The following SPCS2 variants were observed in gnomAD, a reference collection of about 807,000 sequenced individuals.
SPCS2 encodes the protein SPase 25 kDa subunit.
SPCS2 carries 3 observed loss-of-function variants against 22.3 expected under a neutral mutation model. The observed-to-expected ratio is 0.13, with a 90% CI of 0.06 to 0.35. SPCS2 has a LOEUF of 0.35. Among genes scored for constraint, SPCS2 ranks in the 10% least tolerant of loss-of-function variants. The probability of loss-of-function intolerance (pLI) is 1.00; values close to 1 mark genes in which losing one functional copy is unlikely to be tolerated. For missense variants in SPCS2, 169 were observed against 280.9 expected (o/e 0.60, Z 2.85); for synonymous variants, 67 against 97.2 (o/e 0.69, Z 1.83).
chr11:74,965,883 T>C lies in SPCS2; in HGVS notation c.319T>C (p.Phe107Leu). Residue 107 changes from phenylalanine to leucine, a missense_variant, in exon 3 of 5, where the codon TTT becomes CTT. Transcript: ENST00000263672. Reference protein sequence around the residue: ...VALIWDYMHPFPESKPVLALC... With the variant: ...VALIWDYMHPLPESKPVLALC... ...TTTGATTTGGGATTATATGCACCCC[T>C]TTCCAGAGTCCAAACCCGTTTTGGC... 2 of 1,613,280 alleles carry C rather than the reference T, an allele frequency of 1.2e-6. No individual in the cohort carries two copies. Among genetic ancestry groups the C allele is most frequent in the Non-Finnish European group, 1.7e-6 (2 of 1,179,638 alleles).
intron 2 of SPCS2, among the ~76,000 whole-genome samples, chr11:74,965,425 A>G (rs895933882): frequency 3.3e-5 from 5 of 152,178 alleles, no homozygotes; most frequent in Non-Finnish European, 7.3e-5. Context: ...GAAAGCTGGT[A>G]ATTTTTTGTT....
At chr11:74,969,502 G>A (rs887049286) in intron 3 of SPCS2, 63 bp from the exon 4 acceptor site, 89 of 1,501,134 alleles carry the variant, frequency 5.9e-5, no homozygotes, top group Non-Finnish European at 7.7e-5. Context: ...TATATCTGTT[G>A]CTTGTCAATT....
intron 1 of SPCS2, among the ~76,000 whole-genome samples, chr11:74,959,481 C>T (rs532817395): frequency 3.9e-5 from 6 of 152,310 alleles, no homozygotes; most frequent in African/African-American, 1.2e-4. Flanking sequence ...CAGCCTATAC[C>T]TCCTGAGCTC....
intron 4 of SPCS2, among the ~76,000 whole-genome samples, chr11:74,971,801 T>C (rs111991380): frequency 3.1e-4 from 47 of 152,344 alleles, no homozygotes; most frequent in African/African-American, 1.1e-3. Context: ...CTTCAGCATA[T>C]GAAGTATTAC....
intron 1 of SPCS2, chr11:74,949,670 T>C (rs1948326576): frequency 2.0e-6 from 1 of 503,120 alleles, no homozygotes; most frequent in Non-Finnish European, 3.9e-6. Flanking sequence ...TTTTCCTATA[T>C]TTAATCGTGT....
chr11:74,963,563 G>T (rs536800479), intron 1 of SPCS2: 2 of 424,754 alleles, frequency 4.7e-6, no homozygotes, highest in Non-Finnish European at 4.6e-6. Context: ...TTGTTTGTTT[G>T]TTTGTTTATT....
chr11:74,964,553 T>C (rs911578955), intron 1 of SPCS2, among the ~76,000 whole-genome samples: 4 of 152,250 alleles, frequency 2.6e-5, no homozygotes, highest in African/African-American at 9.6e-5. Flanking sequence ...CCCATTTTGT[T>C]AGTATCTGTA....
At chr11:74,976,164 G>A (rs1452415689) in intron 4 of SPCS2, among the ~76,000 whole-genome samples, 3 of 152,190 alleles carry the variant, frequency 2.0e-5, no homozygotes, top group Non-Finnish European at 2.9e-5. Context: ...ATAAAAATTT[G>A]ATTGCCTACT....
chr11:74,967,674 A>G (rs766728016), intron 3 of SPCS2, among the ~76,000 whole-genome samples: 249 of 152,312 alleles, frequency 1.6e-3, no homozygotes, highest in Non-Finnish European at 3.1e-3. Context: ...ACTTGAATCC[A>G]GGGGGCGGAA....
intron 3 of SPCS2, among the ~76,000 whole-genome samples, chr11:74,967,933 CA>C (rs952042564): frequency 4.9e-4 from 71 of 145,370 alleles, no homozygotes; most frequent in African/African-American, 1.3e-3. Flanking sequence ...GACCCTGTCT[CA>C]AAAAAAAAAG....
chr11:74,960,509 T>TC (rs386374178), intron 1 of SPCS2, among the ~76,000 whole-genome samples: 1 of 151,528 alleles, frequency 6.6e-6, no homozygotes, highest in Non-Finnish European at 1.5e-5. Flanking sequence ...CATCTTTTTT[T>TC]TTTTTTTAGG....
intron 1 of SPCS2, among the ~76,000 whole-genome samples, chr11:74,956,197 A>G (rs548379942): frequency 6.6e-6 from 1 of 151,522 alleles, no homozygotes; most frequent in African/African-American, 2.4e-5. Flanking sequence ...TCCTCTGTCT[A>G]CCCTCATCCC....
chr11:74,959,757 A>C (rs1386199642), intron 1 of SPCS2, among the ~76,000 whole-genome samples: 2 of 152,122 alleles, frequency 1.3e-5, no homozygotes, highest in Non-Finnish European at 2.9e-5. Context: ...GGTGAGATGC[A>C]TGGGAACAGA....
At chr11:74,967,708 A>T (rs1418142426) in intron 3 of SPCS2, among the ~76,000 whole-genome samples, 1 of 152,234 alleles carries the variant, frequency 6.6e-6, no homozygotes, top group Non-Finnish European at 1.5e-5. Flanking sequence ...GAGATCTGCT[A>T]CTGCACTCCA....
At chr11:74,974,302 C>T (rs1948603603) in intron 4 of SPCS2, among the ~76,000 whole-genome samples, 1 of 152,170 alleles carries the variant, frequency 6.6e-6, no homozygotes, top group Non-Finnish European at 1.5e-5. Context: ...TCCTTGACCT[C>T]TTCTCTGAAC....
intron 1 of SPCS2, among the ~76,000 whole-genome samples, chr11:74,962,750 T>G (rs1948521543): frequency 6.6e-6 from 1 of 152,222 alleles, no homozygotes. Flanking sequence ...CGAAATGGGC[T>G]GTGTTGCCGT....
At chr11:74,959,707 T>G (rs1325000389) in intron 1 of SPCS2, among the ~76,000 whole-genome samples, 4 of 152,116 alleles carry the variant, frequency 2.6e-5, no homozygotes, top group African/African-American at 7.2e-5. Context: ...CCTGGCTTAT[T>G]TTGTCTCTTT....
chr11:74,969,649 T>TC lies in SPCS2; in HGVS notation c.444_445insC (p.Thr149HisfsTer6). ...TTCTCGTGGCCCACAGGAAAGATCC[T>TC]ACAGGAATGGATCCTGATGATATTT... is the stretch of plus-strand genomic sequence containing the variant. On this transcript the variant is annotated frameshift_variant, in exon 4 of 5. Coordinates refer to ENST00000263672, the MANE Select transcript of SPCS2 (RefSeq NM_014752.3). LOFTEE classifies it high-confidence loss of function. 1 of 1,613,690 alleles carries TC rather than the reference T, an allele frequency of 6.2e-7. No individual in the cohort carries two copies. Among genetic ancestry groups the TC allele is most frequent in the Non-Finnish European group, 8.5e-7 (1 of 1,179,618 alleles).
intron 1 of SPCS2, among the ~76,000 whole-genome samples, chr11:74,953,600 G>A (rs1020329763): frequency 1.3e-5 from 2 of 152,208 alleles, no homozygotes; most frequent in Non-Finnish European, 2.9e-5. Flanking sequence ...ATAAAGAGAT[G>A]CAAATATGCT....
Sources: allele counts gnomAD v4.1 joint callset (sites outside exome capture counted in the v4.1 genomes callset), GRCh38; gene constraint gnomAD v4.1.1; transcripts MANE v1.5; gene names NCBI Gene and HGNC (gene_info 2026-07-23, HGNC 2026-07-21).